DROSHA: variants seen among roughly 807,000 people sequenced by gnomAD.
DROSHA encodes the protein ribonuclease 3.
In DROSHA, 56 loss-of-function variants were observed where a neutral mutation model predicts 181.9. That is an observed-to-expected ratio of 0.31 (90% confidence interval 0.25 to 0.38). DROSHA has a LOEUF of 0.38. Ranked by LOEUF, DROSHA falls within the 10% of genes least tolerant of loss-of-function variation. The pLI is 1.00. For missense variants in DROSHA, 1,218 were observed against 1,743.5 expected, an observed-to-expected ratio of 0.70 and a Z score of 5.37; for synonymous variants, 524 against 591.2, an observed-to-expected ratio of 0.89 and a Z score of 1.65.
intron 16 of DROSHA, among the ~76,000 whole-genome samples, chr5:31,479,970 A>C (rs1325956894): frequency 2.0e-5 from 3 of 151,628 alleles, no homozygotes; most frequent in Non-Finnish European, 4.4e-5. Context: ...AAGTTATTTC[A>C]CATTCTCACC....
intron 4 of DROSHA, among the ~76,000 whole-genome samples, 181 bp from the exon 5 acceptor site, chr5:31,527,093 A>G (rs1277139487): frequency 1.3e-5 from 2 of 152,062 alleles, no homozygotes; most frequent in Non-Finnish European, 2.9e-5. Context: ...CCTCATGCTC[A>G]ATAAACTCCT....
chr5:31,424,527 A>T (rs934252066), intron 27 of DROSHA, 56 bp from the exon 28 acceptor site: 1 of 1,523,250 alleles, frequency 6.6e-7, no homozygotes, highest in African/African-American at 1.4e-5. Context: ...CGCACTCTAG[A>T]GTACTAAATA....
At chr5:31,401,811 C>G (rs951316118) in intron 35 of DROSHA, among the ~76,000 whole-genome samples, 1 of 152,074 alleles carries the variant, frequency 6.6e-6, no homozygotes, top group Non-Finnish European at 1.5e-5. Context: ...TTGGGTATAG[C>G]AGGCACCGAA....
rs181677016 is a variant in DROSHA at position 31,409,103 on chromosome 5, G to A, written c.3807C>T (p.Cys1269=). ...NDPKSQLQQC[C]LTLRTEGKEP... ...CTTTTCCTTCTGTCCTAAGTGTCAA[G>A]CAACACTGCTGAAGCTGGGATTTGG... Residue 1269 remains cysteine (C), a synonymous_variant, in exon 33 of 36, where the codon TGC becomes TGT. Transcript: ENST00000344624. This position sits in a 1 kb window ranked among gnomAD's most constrained non-coding sequence, Gnocchi z 4.0. 1.6e-4 allele frequency: 254 copies of A among 1,613,914 alleles called. 2 individuals are homozygous for A. In the East Asian group the frequency reaches 3.9e-3, roughly 25 times the overall value.
intron 30 of DROSHA, among the ~76,000 whole-genome samples, chr5:31,412,539 AAG>A (rs1230006005): frequency 6.6e-6 from 1 of 152,220 alleles, no homozygotes; most frequent in African/African-American, 2.4e-5. Flanking sequence ...ATAGATAAAT[AAG>A]AAACAATATG....
At chr5:31,475,506 T>C (rs996735612) in intron 16 of DROSHA, among the ~76,000 whole-genome samples, 1 of 152,130 alleles carries the variant, frequency 6.6e-6, no homozygotes, top group African/African-American at 2.4e-5. Flanking sequence ...GAGAAAATTC[T>C]AATGCCAGAA....
At chr5:31,440,199 C>T (rs1745397956) in intron 23 of DROSHA, among the ~76,000 whole-genome samples, 1 of 152,200 alleles carries the variant, frequency 6.6e-6, no homozygotes, top group Admixed American at 6.5e-5. Context: ...GAGGCCGACC[C>T]TAAGTACTGG....
chr5:31,523,975 C>A (rs1461270635), intron 5 of DROSHA, among the ~76,000 whole-genome samples: 1 of 24,094 alleles, frequency 4.2e-5, no homozygotes, highest in Admixed American at 5.1e-4. Flanking sequence ...AACTTTGTCT[C>A]CAAAAAAAAA....
intron 2 of DROSHA, among the ~76,000 whole-genome samples, 177 bp from the exon 3 acceptor site, chr5:31,531,101 C>G (rs530710155): frequency 3.3e-5 from 5 of 152,226 alleles, no homozygotes; most frequent in Middle Eastern, 6.8e-3. Context: ...CCTGTAGACT[C>G]AGAGATAATA....
At chr5:31,451,918 A>T (rs1468074868) in intron 20 of DROSHA, among the ~76,000 whole-genome samples, 1 of 152,202 alleles carries the variant, frequency 6.6e-6, no homozygotes, top group Non-Finnish European at 1.5e-5. Context: ...TCTCTGCCTC[A>T]GTTTCCTCAC....
intron 11 of DROSHA, among the ~76,000 whole-genome samples, chr5:31,503,093 C>T (rs2150049319): frequency 6.6e-6 from 1 of 152,140 alleles, no homozygotes. Flanking sequence ...ACAGCAGCCA[C>T]CATGGAAGAG....
chr5:31,530,988 A>C, intron 2 of DROSHA, 64 bp from the exon 3 acceptor site: 1 of 395,530 alleles, frequency 2.5e-6, no homozygotes, highest in East Asian at 3.6e-5. Context: ...CCATGTTGCT[A>C]CTGTACATTT....
At chr5:31,501,968 TC>T (rs1489498925) in intron 11 of DROSHA, among the ~76,000 whole-genome samples, 1 of 152,122 alleles carries the variant, frequency 6.6e-6, no homozygotes, top group South Asian at 2.1e-4. Flanking sequence ...CTACAAAGAT[TC>T]AGGGGCCTGC....
intron 29 of DROSHA, chr5:31,421,654 G>A: frequency 3.1e-6 from 1 of 324,012 alleles, no homozygotes; most frequent in Non-Finnish European, 5.7e-6. Flanking sequence ...AAGCTGAAGA[G>A]CATAAATTGA....
intron 20 of DROSHA, among the ~76,000 whole-genome samples, chr5:31,456,821 G>A (rs961252354): frequency 6.6e-6 from 1 of 152,070 alleles, no homozygotes; most frequent in Admixed American, 6.6e-5. Context: ...GAGTACAGTA[G>A]TACAATCATA....
intron 27 of DROSHA, among the ~76,000 whole-genome samples, chr5:31,428,976 A>C (rs551882684): frequency 6.6e-6 from 1 of 152,334 alleles, no homozygotes; most frequent in South Asian, 2.1e-4. Flanking sequence ...ATTTGCTTTT[A>C]AAAAAGTACT....
chr5:31,473,056 A>G (rs1749929017), intron 16 of DROSHA, among the ~76,000 whole-genome samples: 1 of 152,160 alleles, frequency 6.6e-6, no homozygotes. Context: ...CTTTGCCTAC[A>G]CCCAACCAAA....
At chr5:31,402,314 A>T (rs1469087019) in intron 35 of DROSHA, among the ~76,000 whole-genome samples, 1 of 152,202 alleles carries the variant, frequency 6.6e-6, no homozygotes, top group African/African-American at 2.4e-5. Flanking sequence ...CTCATCAGTG[A>T]TCTCGCTCTC....
chr5:31,433,678 G>A (rs944136626), intron 25 of DROSHA, among the ~76,000 whole-genome samples: 5 of 152,046 alleles, frequency 3.3e-5, no homozygotes, highest in African/African-American at 7.2e-5. Flanking sequence ...CCGAGTAGCC[G>A]GGACTACAGG....
Sources: allele counts gnomAD v4.1 joint callset (sites outside exome capture counted in the v4.1 genomes callset), GRCh38; gene constraint gnomAD v4.1.1; non-coding constraint Gnocchi (gnomAD v3.1); transcripts MANE v1.5; gene names NCBI Gene and HGNC (gene_info 2026-07-23, HGNC 2026-07-21).